Variants in SLC22A16 observed in about 807,000 individuals in gnomAD.
SLC22A16 encodes the protein WUGSC:RG331P03.1.
Under a neutral mutation model 52.9 loss-of-function variants are expected in SLC22A16, and 53 were observed. That is an observed-to-expected ratio of 1.00 (90% CI 0.80 to 1.26). SLC22A16 has a LOEUF of 1.26. SLC22A16 is among the 50% of genes most tolerant of loss of function. SLC22A16 has a pLI of 0.00. For missense variants in SLC22A16, 726 were observed against 704.0 expected, an observed-to-expected ratio of 1.03 and a Z score of -0.35; for synonymous variants, 291 against 268.8, an observed-to-expected ratio of 1.08 and a Z score of -0.81.
intron 5 of SLC22A16, among the ~76,000 whole-genome samples, chr6:110,437,414 G>T (rs537588240): frequency 1.3e-5 from 2 of 152,082 alleles, no homozygotes; most frequent in Non-Finnish European, 2.9e-5. Flanking sequence ...TAAAGGTGTG[G>T]ATGAAGTTCT....
At chr6:110,472,958 T>C (rs142732928) in intron 1 of SLC22A16, among the ~76,000 whole-genome samples, 541 of 152,314 alleles carry the variant, frequency 3.6e-3, no homozygotes, top group African/African-American at 0.012. Context: ...GTGGAGTCCA[T>C]CATGGCTAAG....
At chr6:110,449,773 T>C (rs1277769942) in intron 2 of SLC22A16, among the ~76,000 whole-genome samples, 1 of 152,224 alleles carries the variant, frequency 6.6e-6, no homozygotes, top group East Asian at 1.9e-4. Flanking sequence ...TTTCCCGCTT[T>C]CACTCAAGTC....
Position 110,442,729 on chromosome 6 carries a change from A to G in SLC22A16, c.698T>C (p.Phe233Ser). 1.2e-6 allele frequency: 2 copies of G among 1,614,160 alleles called. No individual in the cohort carries two copies. The highest frequency in any genetic ancestry group is 1.7e-6 in the Non-Finnish European group (2 of 1,180,018). ...CCATGTCCGAGACTTCATGCCAATG[A>G]ATTCCATCACATAGACAAACCCCAC... ...LVVGFVYVME[F>S]IGMKSRTWAS... The change falls in exon 4 of 8, where the codon TTC becomes TCC. Residue 233 changes from phenylalanine (F) to serine (S), a missense_variant. Transcript: ENST00000368919.
intron 1 of SLC22A16, chr6:110,476,154 A>C: frequency 9.6e-6 from 4 of 415,424 alleles, no homozygotes; most frequent in South Asian, 8.1e-5. Flanking sequence ...GGATTAGAGA[A>C]ACGGGCGGCC....
intron 1 of SLC22A16, among the ~76,000 whole-genome samples, chr6:110,471,375 C>T (rs1776255225): frequency 6.6e-6 from 1 of 152,190 alleles, no homozygotes; most frequent in South Asian, 2.1e-4. Context: ...AATCACCTAA[C>T]GATGAACTTC....
At chr6:110,446,818 A>T in intron 3 of SLC22A16, 55 bp downstream of exon 3, 1 of 1,477,518 alleles carries the variant, frequency 6.8e-7, no homozygotes, top group Non-Finnish European at 9.3e-7. Context: ...GATGAGAGTT[A>T]AGGTTTCCTA....
intron 1 of SLC22A16, among the ~76,000 whole-genome samples, chr6:110,468,038 T>C (rs1192002416): frequency 1.3e-5 from 2 of 152,248 alleles, no homozygotes; most frequent in African/African-American, 4.8e-5. Context: ...TGGAATGAAT[T>C]TGAAGTCTTG....
At chr6:110,438,112 C>A (rs1774806384) in intron 5 of SLC22A16, among the ~76,000 whole-genome samples, 1 of 152,008 alleles carries the variant, frequency 6.6e-6, no homozygotes, top group South Asian at 2.1e-4. Flanking sequence ...GCCAGACGCC[C>A]TCTCGTTACA....
intron 7 of SLC22A16, among the ~76,000 whole-genome samples, chr6:110,429,153 T>C (rs1774395309): frequency 1.3e-5 from 2 of 152,096 alleles, no homozygotes. Context: ...AAAAAAATAA[T>C]AAGGAAAACA....
At chr6:110,470,455 T>G (rs1776220938) in intron 1 of SLC22A16, among the ~76,000 whole-genome samples, 1 of 152,134 alleles carries the variant, frequency 6.6e-6, no homozygotes, top group African/African-American at 2.4e-5. Context: ...GCTCAGGTTC[T>G]GAGCATGACC....
intron 2 of SLC22A16, among the ~76,000 whole-genome samples, chr6:110,449,911 C>T (rs1775307891): frequency 6.6e-6 from 1 of 152,144 alleles, no homozygotes; most frequent in African/African-American, 2.4e-5. Flanking sequence ...TTGTCATTTC[C>T]TTTCACAATC....
chr6:110,424,907 G>T lies in SLC22A16; in HGVS notation c.1700C>A (p.Ala567Glu), dbSNP rs770486939. ...AAGACCAGAATCCCTGGGGGTAATC[G>T]CTTCCGTTTTTTCCAGCCCACTATT... ...TNNSGLEKTEAITPRDSGLGE is the reference protein window; with the variant it reads ...TNNSGLEKTEEITPRDSGLGE The change falls in exon 8 of 8, where the codon GCG (alanine) becomes GAG (glutamate). Residue 567 changes from alanine to glutamate, a missense_variant. Physicochemically the swap from Ala to Glu is moderately radical, Grantham distance 107. Transcript: ENST00000368919. 5 of 1,613,948 alleles carry T rather than the reference G, an allele frequency of 3.1e-6. No homozygotes were observed. The African/African-American group carries it at 6.7e-5, about 22-fold the overall frequency.
intron 2 of SLC22A16, among the ~76,000 whole-genome samples, chr6:110,452,420 ACCTCTTTCTCTCTCTTTTT>A (rs1221049880): frequency 6.6e-6 from 1 of 151,734 alleles, no homozygotes; most frequent in Non-Finnish European, 1.5e-5. Context: ...CTTTCCTTCT[ACCTCTTTCTCTCTCTTTTT>A]CCTTACAGCA....
Position 110,457,173 on chromosome 6 carries a change from T to C in SLC22A16, c.54-156A>G, listed in dbSNP as rs149593336. On this transcript the variant is annotated intron_variant, in intron 1 of 7. Coordinates refer to ENST00000368919, the MANE Select transcript of SLC22A16 (RefSeq NM_033125.4). ...ACATATTTATATCTGTGGGTTAGTA[T>C]ATATACATATATTACTTAGCTCCAT... Among the ~76,000 whole-genome samples the C allele has an allele frequency of 3.3e-5, 5 of 152,224 alleles. No individual in the cohort carries two copies. In the East Asian group the frequency reaches 9.6e-4, roughly 29 times the overall value.
chr6:110,433,270 C>A (rs1410717941), intron 6 of SLC22A16, among the ~76,000 whole-genome samples: 1 of 152,110 alleles, frequency 6.6e-6, no homozygotes, highest in African/African-American at 2.4e-5. Flanking sequence ...ATATGTGTAC[C>A]TACTCTATCT....
intron 1 of SLC22A16, among the ~76,000 whole-genome samples, chr6:110,473,547 C>T (rs1373813665): frequency 1.9e-4 from 18 of 94,380 alleles, no homozygotes; most frequent in African/African-American, 7.1e-4. Flanking sequence ...TTTTTTGAGA[C>T]GGAATCTCGT....
At chr6:110,434,959 C>G (rs527595483) in intron 6 of SLC22A16, among the ~76,000 whole-genome samples, 8 of 152,068 alleles carry the variant, frequency 5.3e-5, no homozygotes, top group Non-Finnish European at 1.0e-4. Context: ...GCCTGGGCAA[C>G]AGAATGAGAC....
At chr6:110,460,459 G>A (rs1195558704) in intron 1 of SLC22A16, among the ~76,000 whole-genome samples, 3 of 152,126 alleles carry the variant, frequency 2.0e-5, no homozygotes, top group Non-Finnish European at 2.9e-5. Flanking sequence ...GGGGAGCCTG[G>A]AGTCTTACAG....
chr6:110,463,338 A>AT (rs889128575), intron 1 of SLC22A16, among the ~76,000 whole-genome samples: 33 of 151,428 alleles, frequency 2.2e-4, no homozygotes, highest in African/African-American at 4.8e-4. Context: ...AGCAAAATGG[A>AT]TTTTTTTTTA....
Sources: allele counts gnomAD v4.1 joint callset (sites outside exome capture counted in the v4.1 genomes callset), GRCh38; gene constraint gnomAD v4.1.1; transcripts MANE v1.5; gene names NCBI Gene and HGNC (gene_info 2026-07-23, HGNC 2026-07-21).